The following GRM5 variants were observed in gnomAD, a reference collection of about 807,000 sequenced individuals.
GRM5 encodes metabotropic glutamate receptor 5.
In GRM5, 19 loss-of-function variants were observed where a neutral mutation model predicts 83.1. The observed-to-expected ratio is 0.23, with a 90% confidence interval of 0.16 to 0.34. The LOEUF is 0.34. GRM5 is among the 10% of genes least tolerant of loss of function. The probability of loss-of-function intolerance (pLI) is 1.00; values close to 1 mark genes in which losing one functional copy is unlikely to be tolerated. For missense variants in GRM5, 1,160 were observed against 1,588.3 expected, an observed-to-expected ratio of 0.73 and a Z score of 4.58; for synonymous variants, 675 against 633.6, an observed-to-expected ratio of 1.07 and a Z score of -0.98.
At chr11:88,939,708 C>A (rs34032543) in intron 2 of GRM5, among the ~76,000 whole-genome samples, 34 of 151,294 alleles carry the variant, frequency 2.2e-4, no homozygotes, top group African/African-American at 5.6e-4. Flanking sequence ...GCGTGTTTGG[C>A]GAAACAATAT....
At chr11:88,960,626 G>A (rs1364147254) in intron 2 of GRM5, among the ~76,000 whole-genome samples, 1 of 152,084 alleles carries the variant, frequency 6.6e-6, no homozygotes, top group South Asian at 2.1e-4. Flanking sequence ...AAGATGAGTT[G>A]GGAAGCTTAC....
At chr11:88,531,511 G>T (rs1454464894) in intron 8 of GRM5, among the ~76,000 whole-genome samples, 1 of 152,118 alleles carries the variant, frequency 6.6e-6, no homozygotes, top group Admixed American at 6.6e-5. Context: ...ATACCAAGGA[G>T]CAAATGTTCT....
intron 3 of GRM5, among the ~76,000 whole-genome samples, chr11:88,822,517 T>A (rs1565247754): frequency 6.6e-6 from 1 of 152,174 alleles, no homozygotes; most frequent in Admixed American, 6.5e-5. Flanking sequence ...AAGAAGATCA[T>A]TCCAATTAAA....
At chr11:88,886,341 T>C (rs1196777581) in intron 2 of GRM5, among the ~76,000 whole-genome samples, 1 of 152,180 alleles carries the variant, frequency 6.6e-6, no homozygotes, top group Admixed American at 6.5e-5. Flanking sequence ...ACAACATTCA[T>C]CGAGATGGTG....
chr11:88,945,048 A>G (rs567574652), intron 2 of GRM5, among the ~76,000 whole-genome samples: 1 of 152,078 alleles, frequency 6.6e-6, no homozygotes, highest in African/African-American at 2.4e-5. Flanking sequence ...AAAAATCAGG[A>G]ACATTTTTAC....
chr11:88,845,901 A>C (rs1323798746), intron 3 of GRM5, among the ~76,000 whole-genome samples: 1 of 152,230 alleles, frequency 6.6e-6, no homozygotes, highest in African/African-American at 2.4e-5. Flanking sequence ...TGTAAAGATA[A>C]AGAATAATAT....
intron 8 of GRM5, among the ~76,000 whole-genome samples, chr11:88,533,048 C>G (rs1942050002): frequency 1.3e-5 from 2 of 152,140 alleles, no homozygotes; most frequent in Admixed American, 1.3e-4. Context: ...CAAACCCATT[C>G]CAACCTCCAC....
At chr11:88,713,213 T>A (rs1941320613) in intron 3 of GRM5, among the ~76,000 whole-genome samples, 1 of 152,072 alleles carries the variant, frequency 6.6e-6, no homozygotes, top group Non-Finnish European at 1.5e-5. Flanking sequence ...AGGTGCTGCA[T>A]TAGCTAAGGG....
At chr11:88,668,414 A>AT (rs148851546) in intron 3 of GRM5, among the ~76,000 whole-genome samples, 4 of 151,060 alleles carry the variant, frequency 2.6e-5, no homozygotes, top group Non-Finnish European at 5.9e-5. Context: ...ATACTCAACA[A>AT]TTTTTTTTCA....
chr11:88,673,570 G>C (rs1221979864), intron 3 of GRM5, among the ~76,000 whole-genome samples: 7 of 151,870 alleles, frequency 4.6e-5, no homozygotes, highest in African/African-American at 1.7e-4. Context: ...AACTGGTAAA[G>C]GGAATGTGAT....
At chr11:88,951,704 A>G (rs1432394149) in intron 2 of GRM5, among the ~76,000 whole-genome samples, 1 of 152,232 alleles carries the variant, frequency 6.6e-6, no homozygotes, top group African/African-American at 2.4e-5. Flanking sequence ...ATTGTAAACA[A>G]CAACGTCTAT....
chr11:88,759,778 T>C (rs1283099583), intron 3 of GRM5, among the ~76,000 whole-genome samples: 1 of 152,148 alleles, frequency 6.6e-6, no homozygotes, highest in African/African-American at 2.4e-5. Context: ...ATATATATTC[T>C]TTGATTGCCA....
At chr11:89,044,863 A>G (rs1419862785) in intron 2 of GRM5, among the ~76,000 whole-genome samples, 1 of 151,818 alleles carries the variant, frequency 6.6e-6, no homozygotes, top group Non-Finnish European at 1.5e-5. Flanking sequence ...AAAAAAAAAA[A>G]AGCATGACCT....
At chr11:88,941,381 G>C (rs984740824) in intron 2 of GRM5, among the ~76,000 whole-genome samples, 4 of 119,256 alleles carry the variant, frequency 3.4e-5, no homozygotes, top group African/African-American at 1.1e-4. Context: ...ATAATAATGA[G>C]AGAGAGAAAG....
At chr11:88,792,374 T>C (rs1254576912) in intron 3 of GRM5, among the ~76,000 whole-genome samples, 1 of 152,110 alleles carries the variant, frequency 6.6e-6, no homozygotes, top group Non-Finnish European at 1.5e-5. Context: ...AATTAGCATC[T>C]TTGGTGCCCA....
chr11:88,576,860 A>AT (rs1158038284), intron 7 of GRM5, among the ~76,000 whole-genome samples: 1 of 152,140 alleles, frequency 6.6e-6, no homozygotes, highest in Non-Finnish European at 1.5e-5. Context: ...TATAATTTGG[A>AT]TTTTACGATT....
intron 2 of GRM5, among the ~76,000 whole-genome samples, chr11:88,918,816 A>G (rs1200577398): frequency 1.3e-5 from 2 of 152,004 alleles, no homozygotes; most frequent in East Asian, 3.9e-4. Context: ...TTAAGTAGTC[A>G]TCAATTTAAA....
At chr11:88,636,036 A>G (rs990743843) in intron 4 of GRM5, among the ~76,000 whole-genome samples, 1 of 152,218 alleles carries the variant, frequency 6.6e-6, no homozygotes, top group Admixed American at 6.6e-5. Context: ...ACTAGAACTT[A>G]GTTTGTAAAC....
intron 3 of GRM5, among the ~76,000 whole-genome samples, chr11:88,736,661 C>T (rs1161803283): frequency 6.6e-6 from 1 of 151,984 alleles, no homozygotes; most frequent in African/African-American, 2.4e-5. Flanking sequence ...TCCAGCTGGT[C>T]TACTCAGGCA....
Sources: allele counts gnomAD v4.1 joint callset (sites outside exome capture counted in the v4.1 genomes callset), GRCh38; gene constraint gnomAD v4.1.1; transcripts MANE v1.5; gene names NCBI Gene and HGNC (gene_info 2026-07-23, HGNC 2026-07-21).